PCDHA7: variants seen among roughly 807,000 people sequenced by gnomAD.
PCDHA7 encodes protocadherin alpha-7.
In PCDHA7, 37 loss-of-function variants were observed where a neutral mutation model predicts 57.2. The observed-to-expected ratio is 0.65, with a 90% CI of 0.50 to 0.85. The LOEUF (loss-of-function observed/expected upper bound fraction) is 0.85. Ranked by LOEUF, PCDHA7 falls within the 40% of genes least tolerant of loss-of-function variation. PCDHA7 has a pLI of 0.00. For missense variants in PCDHA7, 1,188 were observed against 1,241.8 expected, an observed-to-expected ratio of 0.96 and a Z score of 0.65; for synonymous variants, 553 against 558.8, an observed-to-expected ratio of 0.99 and a Z score of 0.15.
chr5:140,926,827 C>G, intron 1 of PCDHA7: 1 of 1,500,674 alleles, frequency 6.7e-7, no homozygotes, highest in Non-Finnish European at 8.9e-7. Context: ...CTCCAGGAGT[C>G]CGGAGCATGG....
chr5:140,971,928 T>C (rs1318885872), intron 1 of PCDHA7, among the ~76,000 whole-genome samples: 1 of 152,186 alleles, frequency 6.6e-6, no homozygotes, highest in Non-Finnish European at 1.5e-5. Flanking sequence ...GCTAGTGTTA[T>C]TTTAAGTTGT....
intron 1 of PCDHA7, chr5:140,883,531 T>C (rs782406173): frequency 6.8e-6 from 11 of 1,614,092 alleles, no homozygotes; most frequent in Middle Eastern, 1.6e-4. Flanking sequence ...TATCAGCCTA[T>C]GAACTGGTGG....
chr5:140,941,241 T>TTCTTTCTTTCTTTCTTTCTTTCTC (rs1585048929), intron 1 of PCDHA7, among the ~76,000 whole-genome samples: 1 of 140,458 alleles, frequency 7.1e-6, no homozygotes, highest in East Asian at 2.0e-4. Flanking sequence ...CTTTCTTTCT[T>TTCTTTCTTTCTTTCTTTCTTTCTC]TCTTTCTTTC....
intron 1 of PCDHA7, chr5:140,841,598 G>A (rs2150318945): frequency 8.1e-6 from 13 of 1,614,142 alleles, no homozygotes; most frequent in Admixed American, 6.7e-5. Context: ...GATCGACCGC[G>A]AGGAGCTGTG....
At chr5:140,915,682 G>A (rs1239251164) in intron 1 of PCDHA7, among the ~76,000 whole-genome samples, 1 of 151,322 alleles carries the variant, frequency 6.6e-6, no homozygotes, top group Admixed American at 6.6e-5. Context: ...CTTGAACTAG[G>A]GGTATGGTGA....
rs143182337 is a variant in PCDHA7 at position 140,938,958 on chromosome 5, G to A, written c.2356-39991G>A. On this transcript the variant is annotated intron_variant, in intron 1 of 3. Coordinates refer to ENST00000525929, the MANE Select transcript of PCDHA7 (RefSeq NM_018910.3). ...TTTCCATTCTTATAATGCTCTAGTC[G>A]GAGTTTGGCATCAAGGCTATCCTGG... 3.2e-3 allele frequency among the ~76,000 whole-genome samples: 486 copies of A among 152,204 alleles called. 2 individuals carry two copies. Among genetic ancestry groups the A allele is most frequent in the Middle Eastern group, 0.014 (4 of 294 alleles).
At chr5:140,926,775 G>C in intron 1 of PCDHA7, 9 of 1,391,106 alleles carry the variant, frequency 6.5e-6, no homozygotes, top group Admixed American at 3.1e-5. Flanking sequence ...GCCCGCAGCA[G>C]TGACGGCCGG....
At chr5:140,869,347 G>C (rs782437200) in intron 1 of PCDHA7, 1 of 1,614,082 alleles carries the variant, frequency 6.2e-7, no homozygotes, top group Non-Finnish European at 8.5e-7. Context: ...TCTGCAGAAT[G>C]GCATTTTGTT....
intron 1 of PCDHA7, among the ~76,000 whole-genome samples, chr5:140,978,653 G>T (rs527551897): frequency 6.6e-6 from 1 of 152,196 alleles, no homozygotes; most frequent in Non-Finnish European, 1.5e-5. Flanking sequence ...TGTTCTTCCC[G>T]TAGTGTTTTA....
chr5:140,841,710 C>A (rs2150321322), intron 1 of PCDHA7: 2 of 1,613,738 alleles, frequency 1.2e-6, no homozygotes, highest in African/African-American at 2.7e-5. Flanking sequence ...AATGACAACC[C>A]GCCAGTGTTC....
chr5:140,841,687 G>A (rs2150320921), intron 1 of PCDHA7: 1 of 1,613,966 alleles, frequency 6.2e-7, no homozygotes, highest in South Asian at 1.1e-5. Context: ...TGGACGTGGA[G>A]GTGAAGGATG....
Position 140,850,629 on chromosome 5 carries a change from G to T in PCDHA7, c.2355+13891G>T, listed in dbSNP as rs2150491518. On this transcript the variant is annotated intron_variant, in intron 1 of 3. Transcript: ENST00000525929. ...CATCTGCGCGGTGTCTAGCCTGTTG[G>T]TTCTCACGCTGCTGCTGTACACTGT... is the stretch of plus-strand genomic sequence containing the variant. 44 of 1,598,620 alleles carry T rather than the reference G, an allele frequency of 2.8e-5. 2 individuals carry two copies. The East Asian group carries it at 9.4e-4, about 34-fold the overall frequency.
At chr5:140,857,791 G>T in intron 1 of PCDHA7, 1 of 1,597,714 alleles carries the variant, frequency 6.3e-7, no homozygotes, top group Non-Finnish European at 8.6e-7. Context: ...AGCTGGTGCT[G>T]CGGTCGGTGG....
In PCDHA7 at chr5:140,857,453, C is replaced by T. The variant is rs545328956; in HGVS notation, c.2355+20715C>T. 59 of 1,598,490 alleles carry T rather than the reference C, an allele frequency of 3.7e-5. 5 individuals carry two copies. The highest frequency in any genetic ancestry group is 5.1e-5 in the Non-Finnish European group (59 of 1,167,918). On this transcript the variant is annotated intron_variant, in intron 1 of 3. Coordinates refer to ENST00000525929, the MANE Select transcript of PCDHA7 (RefSeq NM_018910.3). ...GGTGTTCGTGAAGGAGAACAACCCG[C>T]CAGGCTGCCACATCTTCACGGTGTC...
chr5:140,882,985 C>T (rs1554176359), intron 1 of PCDHA7: 14 of 1,614,110 alleles, frequency 8.7e-6, no homozygotes, highest in Non-Finnish European at 1.1e-5. Flanking sequence ...ATGACAACGC[C>T]CCGGAATTTT....
intron 1 of PCDHA7, chr5:140,864,371 G>A (rs1005201982): frequency 6.6e-5 from 10 of 152,044 alleles, no homozygotes; most frequent in South Asian, 6.2e-4. Context: ...TTCTATAATC[G>A]ATAAGTTTAT....
At chr5:140,969,935 T>C (rs1490184904) in intron 1 of PCDHA7, among the ~76,000 whole-genome samples, 2 of 152,222 alleles carry the variant, frequency 1.3e-5, no homozygotes, top group Non-Finnish European at 2.9e-5. Context: ...TTAGACATCA[T>C]ACTGAAGCTA....
chr5:140,844,849 G>T, intron 1 of PCDHA7, among the ~76,000 whole-genome samples: 1 of 148,746 alleles, frequency 6.7e-6, no homozygotes, highest in African/African-American at 2.5e-5. Flanking sequence ...TGTGACTGTT[G>T]GACCTGCCTG....
At position 140,843,439 on chromosome 5, in the gene PCDHA7, G is replaced by C. The variant is rs2150360020; in HGVS notation, c.2355+6701G>C. On this transcript the variant is annotated intron_variant, in intron 1 of 3. Transcript: ENST00000525929. The stretch of plus-strand genomic sequence containing the variant: ...TGTACCTGATCATCGCCATCTGCGC[G>C]GTATCCAGCCTGCTGGTGCTCACGC... The C allele has an allele frequency of 5.1e-5, 82 of 1,595,976 alleles. 7 individuals carry two copies. In the South Asian group the frequency reaches 8.6e-4, roughly 17 times the overall value.
Sources: gnomAD v4.1 joint callset for allele counts (sites outside exome capture counted in the v4.1 genomes callset) on GRCh38, gnomAD v4.1.1 for gene constraint, MANE v1.5 for transcripts, NCBI Gene and HGNC (gene_info 2026-07-23, HGNC 2026-07-21) for gene names.